GSDME: variants seen among roughly 807,000 people sequenced by gnomAD.
The protein encoded by GSDME is gasdermin-E.
Under a neutral mutation model 47.5 loss-of-function variants are expected in GSDME, and 44 were observed. The ratio of observed to expected loss-of-function variants is 0.93; its 90% CI spans 0.73 to 1.19. The LOEUF is 1.19. Ranked by LOEUF, GSDME falls within the 50% of genes most tolerant of loss-of-function variation. The pLI, the probability that GSDME is intolerant of heterozygous loss-of-function variation, is 0.00. For synonymous variants in GSDME, 258 were observed against 252.8 expected, an observed-to-expected ratio of 1.02 and a Z score of -0.20; for missense variants, 663 against 604.2, an observed-to-expected ratio of 1.10 and a Z score of -1.02.
In GSDME at chr7:24,725,162, A is replaced by G. The variant is rs76102941; in HGVS notation, c.405-5944T>C. On this transcript the variant is annotated intron_variant, in intron 3 of 9. Transcript: ENST00000645220. The surrounding 1 kb of genome is among the most constrained non-coding windows in gnomAD (Gnocchi z 5.1). ...ATAATAATGCAAACAGACTAACTCAATCTCCTCCTAGCTGAGCTACTGCTC... is the reference window on the plus strand; with the variant it reads ...ATAATAATGCAAACAGACTAACTCAGTCTCCTCCTAGCTGAGCTACTGCTC... Among the ~76,000 whole-genome samples the G allele has an allele frequency of 0.016, 2,511 of 152,218 alleles. 112 individuals are homozygous for G. The East Asian group carries it at 0.19, about 11-fold the overall frequency.
chr7:24,734,850 G>T (rs1790251694), intron 3 of GSDME, among the ~76,000 whole-genome samples: 1 of 152,158 alleles, frequency 6.6e-6, no homozygotes, highest in Non-Finnish European at 1.5e-5. Context: ...CCTTAAAGAG[G>T]AAGGAGAGAA....
At chr7:24,727,267 G>A (rs977484991) in intron 3 of GSDME, among the ~76,000 whole-genome samples, 1 of 152,212 alleles carries the variant, frequency 6.6e-6, no homozygotes, top group Non-Finnish European at 1.5e-5. Context: ...ATCAGGAACT[G>A]CATCTTCTGA....
chr7:24,710,513 A>T, intron 5 of GSDME, 125 bp from the exon 6 acceptor site: 1 of 887,066 alleles, frequency 1.1e-6, no homozygotes, highest in Non-Finnish European at 1.8e-6. Context: ...CAGAAGACCC[A>T]TCCATCTTCC....
chr7:24,708,180 T>C lies in GSDME; in HGVS notation c.937A>G (p.Ile313Val), dbSNP rs1462560933. The change falls in exon 7 of 10, where the codon ATC (isoleucine) becomes GTC (valine). Residue 313 changes from isoleucine to valine, a missense_variant. Coordinates refer to ENST00000645220, the MANE Select transcript of GSDME (RefSeq NM_001127453.2). Reference sequence around the variant, plus strand: ...TCATCAAATAGGACCGCCTGGAAGATGTCACTCAAAGCTGTCTGTTGTGGC... The same window carrying C: ...TCATCAAATAGGACCGCCTGGAAGACGTCACTCAAAGCTGTCTGTTGTGGC... The part of the protein sequence containing the change: ...PEPQQTALSD[I>V]FQAVLFDDEL... 1.3e-5 allele frequency: 21 copies of C among 1,614,184 alleles called. No individual in the cohort carries two copies. In the South Asian group the frequency reaches 1.9e-4, roughly 14 times the overall value.
At position 24,744,421 on chromosome 7, in the gene GSDME, G is replaced by T; in HGVS notation, c.404+141C>A. 1 of 970,178 alleles carries T rather than the reference G, an allele frequency of 1.0e-6. No individual in the cohort carries two copies. The allele number at this position is 970,178 out of a possible 1,614,324, so 60.1% of individuals were successfully genotyped here. A position where few individuals can be genotyped will look rare whatever the true frequency, so the allele number is the denominator to read the frequency against. ...CCAGACTAAAGAATGTGCTCCTCAT[G>T]AAATTTCAACACAAGCGCATTCAAT... On this transcript the variant is annotated intron_variant, in intron 3 of 9. Coordinates refer to ENST00000645220, the MANE Select transcript of GSDME (RefSeq NM_001127453.2). The surrounding 1 kb of genome is among the most constrained non-coding windows in gnomAD (Gnocchi z 4.5).
chr7:24,751,412 A>G (rs1452002573), intron 1 of GSDME, among the ~76,000 whole-genome samples: 4 of 152,240 alleles, frequency 2.6e-5, no homozygotes, highest in Admixed American at 2.6e-4. Flanking sequence ...CACAGCTCTT[A>G]GGATTTAAGA....
At chr7:24,723,867 A>G (rs1175512958) in intron 3 of GSDME, among the ~76,000 whole-genome samples, 2 of 152,224 alleles carry the variant, frequency 1.3e-5, no homozygotes, top group African/African-American at 4.8e-5. Context: ...AAAGCAAGTT[A>G]TACCCAAGTC....
At chr7:24,715,576 A>G (rs1482311347) in intron 5 of GSDME, 1 of 456,058 alleles carries the variant, frequency 2.2e-6, no homozygotes, top group South Asian at 1.6e-5. Context: ...TAGGGGGGCT[A>G]GAAACCCAAA....
At chr7:24,706,004 G>A (rs992945046) in intron 8 of GSDME, 180 bp downstream of exon 8, 6 of 755,112 alleles carry the variant, frequency 7.9e-6, no homozygotes, top group Non-Finnish European at 1.3e-5. Context: ...GCACAGACTC[G>A]AGACCGAAGG....
chr7:24,749,827 G>T (rs370657976), intron 1 of GSDME, 34 bp from the exon 2 acceptor site: 5 of 1,460,358 alleles, frequency 3.4e-6, no homozygotes, highest in East Asian at 4.5e-5. Flanking sequence ...AATCAAATAA[G>T]AAGTTACTAT....
At chr7:24,779,135 T>G in the GSDME span, among the ~76,000 whole-genome samples, 1 of 152,310 alleles carries the variant, frequency 6.6e-6, no homozygotes, top group African/African-American at 2.4e-5. The surrounding 1 kb of genome is among the most constrained non-coding windows in gnomAD (Gnocchi z 6.0). Flanking sequence ...GCTATGACTC[T>G]TTCCTAAAAT....
chr7:24,701,199 C>G (rs1000889027), intron 9 of GSDME, among the ~76,000 whole-genome samples: 1 of 152,186 alleles, frequency 6.6e-6, no homozygotes, highest in Non-Finnish European at 1.5e-5. Context: ...AGGCAGACAC[C>G]TCGATGTCTT....
chr7:24,746,677 C>A (rs1407557375), intron 2 of GSDME, among the ~76,000 whole-genome samples: 1 of 152,176 alleles, frequency 6.6e-6, no homozygotes, highest in Non-Finnish European at 1.5e-5. Flanking sequence ...AAGGAACAGT[C>A]AAGATTTGTC....
rs143808839 is a variant in GSDME at position 24,723,209 on chromosome 7, T to C, written c.405-3991A>G. On this transcript the variant is annotated intron_variant, in intron 3 of 9. Transcript: ENST00000645220. ...GGCCCCACAGGGACAGCGGGGAAGCTACACATCAGGGAAAATGGATTTTTC... is the reference window on the plus strand; with the variant it reads ...GGCCCCACAGGGACAGCGGGGAAGCCACACATCAGGGAAAATGGATTTTTC... Among the ~76,000 whole-genome samples the C allele has an allele frequency of 2.3e-3, 346 of 152,300 alleles. 1 individual carries two copies. Among genetic ancestry groups the C allele is most frequent in the African/African-American group, 8.1e-3 (338 of 41,556 alleles).
the GSDME span, among the ~76,000 whole-genome samples, chr7:24,785,568 G>A: frequency 6.6e-6 from 1 of 152,160 alleles, no homozygotes; most frequent in Non-Finnish European, 1.5e-5. Context: ...CGATTCCCCT[G>A]CCTCAGCCTC....
chr7:24,707,245 T>TATA, intron 7 of GSDME: 1 of 466,022 alleles, frequency 2.1e-6, no homozygotes, highest in East Asian at 7.0e-5. Flanking sequence ...CCCTGCATAA[T>TATA]ATAATAGAAA....
intron 3 of GSDME, among the ~76,000 whole-genome samples, chr7:24,737,655 C>A (rs1790352741): frequency 6.6e-6 from 1 of 150,810 alleles, no homozygotes; most frequent in Non-Finnish European, 1.5e-5. Flanking sequence ...TTTACAAGGC[C>A]AGTATTACCC....
chr7:24,716,563 A>G lies in GSDME; in HGVS notation c.697+691T>C, dbSNP rs549726867. On this transcript the variant is annotated intron_variant, in intron 5 of 9. Transcript: ENST00000645220. The surrounding 1 kb of genome is among the most constrained non-coding windows in gnomAD (Gnocchi z 4.5). ...TTCTCATTGGGAACATGAGGAGGGA[A>G]GGGGCTGTGAACACCTAAAGTGAGC... is the stretch of plus-strand genomic sequence containing the variant. 6.5e-6 allele frequency: 1 copy of G among 154,258 alleles called. No homozygotes were observed. The highest frequency in any genetic ancestry group is 1.9e-4 in the East Asian group (1 of 5,206). The allele number at this position is 154,258 out of a possible 1,614,324, so 9.6% of individuals were successfully genotyped here.
In GSDME at chr7:24,708,226, A is replaced by T. The variant is rs373950579; in HGVS notation, c.891T>A (p.His297Gln). The T allele has an allele frequency of 5.0e-6, 8 of 1,614,046 alleles. No individual in the cohort carries two copies. Among genetic ancestry groups the T allele is most frequent in the African/African-American group, 1.3e-5 (1 of 74,918 alleles). Reference sequence around the variant, plus strand: ...GTGGCTCAGGCAGCTCCGCAAATGGATGGAAATTCCTCTCCAGGAGCAGGG... The same window carrying T: ...GTGGCTCAGGCAGCTCCGCAAATGGTTGGAAATTCCTCTCCAGGAGCAGGG... The part of the protein sequence containing the change: ...QATLLLERNF[H>Q]PFAELPEPQQ... Residue 297 changes from histidine to glutamine, a missense_variant, in exon 7 of 10, where the codon CAT (histidine) becomes CAA (glutamine). Coordinates refer to ENST00000645220, the MANE Select transcript of GSDME (RefSeq NM_001127453.2).
Sources: gnomAD v4.1 joint callset for allele counts (sites outside exome capture counted in the v4.1 genomes callset) on GRCh38, gnomAD v4.1.1 for gene constraint, Gnocchi (gnomAD v3.1) non-coding constraint, MANE v1.5 for transcripts, NCBI Gene and HGNC (gene_info 2026-07-23, HGNC 2026-07-21) for gene names.